COMMD9: variants seen among roughly 807,000 people sequenced by gnomAD.
The protein encoded by COMMD9 is COMM domain-containing protein 9.
Under a neutral mutation model 23.4 loss-of-function variants are expected in COMMD9, and 22 were observed. That is an observed-to-expected ratio of 0.94 (90% CI 0.67 to 1.34). The LOEUF (loss-of-function observed/expected upper bound fraction) is 1.34. COMMD9 is among the 40% of genes most tolerant of loss of function. The pLI, the probability that COMMD9 is intolerant of heterozygous loss-of-function variation, is 0.00. For missense variants in COMMD9, 231 were observed against 240.2 expected (o/e 0.96, Z 0.25); for synonymous variants, 99 against 97.4 (o/e 1.02, Z -0.10).
chr11:36,287,791 G>A (rs900773363), intron 1 of COMMD9, among the ~76,000 whole-genome samples: 1 of 152,028 alleles, frequency 6.6e-6, no homozygotes, highest in Non-Finnish European at 1.5e-5. Context: ...AGCAAACATA[G>A]AGGTTACCAT....
chr11:36,283,453 G>A (rs1361470366), intron 1 of COMMD9, among the ~76,000 whole-genome samples: 1 of 152,120 alleles, frequency 6.6e-6, no homozygotes, highest in Non-Finnish European at 1.5e-5. Flanking sequence ...ATAAAGGGAC[G>A]TAAAGTTTCT....
At chr11:36,286,302 C>G (rs940832778) in intron 1 of COMMD9, among the ~76,000 whole-genome samples, 4 of 149,566 alleles carry the variant, frequency 2.7e-5, no homozygotes, top group Non-Finnish European at 5.9e-5. Flanking sequence ...ATAATCCCAG[C>G]ACTTTGGGAG....
chr11:36,278,450 A>T (rs1161154591), intron 3 of COMMD9, 27 bp downstream of exon 3: 1 of 1,586,374 alleles, frequency 6.3e-7, no homozygotes, highest in African/African-American at 1.3e-5. Context: ...AAAAGTTAGA[A>T]GGGACTTTCA....
In COMMD9 at chr11:36,274,292, G is replaced by T. The variant is rs1475464932; in HGVS notation, c.*340C>A. Reference sequence around the variant, plus strand: ...AACTTACTTATTGGATAGGCTGCATGATTTGGGCCTGAATTTCTCAAACAG... The same window carrying T: ...AACTTACTTATTGGATAGGCTGCATTATTTGGGCCTGAATTTCTCAAACAG... On this transcript the variant is annotated 3_prime_UTR_variant, in exon 6 of 6. Coordinates refer to ENST00000263401, the MANE Select transcript of COMMD9 (RefSeq NM_014186.4). 1.9e-5 allele frequency: 10 copies of T among 532,856 alleles called. No homozygotes were observed. The highest frequency in any genetic ancestry group is 3.6e-5 in the Non-Finnish European group (10 of 277,610). The allele number at this position is 532,856 out of a possible 1,614,324, so 33.0% of individuals were successfully genotyped here.
chr11:36,286,415 AAAGAAAGAAAGAAAG>A (rs1856157187), intron 1 of COMMD9, among the ~76,000 whole-genome samples: 3 of 38,648 alleles, frequency 7.8e-5, no homozygotes, highest in Middle Eastern at 0.019. Flanking sequence ...AAAAAAAAAG[AAAGAAAGAAAGAAAG>A]AAAGAAAAGA....
At chr11:36,283,448 G>A (rs1295041046) in intron 1 of COMMD9, among the ~76,000 whole-genome samples, 2 of 152,146 alleles carry the variant, frequency 1.3e-5, no homozygotes, top group African/African-American at 4.8e-5. Flanking sequence ...GAGGTATAAA[G>A]GGACGTAAAG....
At chr11:36,286,414 G>GAAAA (rs1418105734) in intron 1 of COMMD9, among the ~76,000 whole-genome samples, 1 of 25,034 alleles carries the variant, frequency 4.0e-5, no homozygotes, top group Non-Finnish European at 1.2e-4. Context: ...AAAAAAAAAA[G>GAAAA]AAAGAAAGAA....
intron 1 of COMMD9, among the ~76,000 whole-genome samples, chr11:36,288,686 A>T (rs1245344447): frequency 6.6e-6 from 1 of 152,090 alleles, no homozygotes; most frequent in African/African-American, 2.4e-5. Context: ...CTGTAATCCC[A>T]GCTACTCGGA....
intron 1 of COMMD9, 54 bp from the exon 2 acceptor site, chr11:36,280,891 T>C: frequency 6.7e-7 from 1 of 1,489,918 alleles, no homozygotes; most frequent in South Asian, 1.3e-5. Flanking sequence ...TGAAAACACA[T>C]GTTTTGAGTA....
At chr11:36,287,165 T>C (rs576101230) in intron 1 of COMMD9, among the ~76,000 whole-genome samples, 970 of 2,150 alleles carry the variant, frequency 0.45, 62 homozygotes, top group East Asian at 0.59. Flanking sequence ...ATACTATGTA[T>C]ATCGCGTAGT....
rs769107891 is a variant in COMMD9, at chr11:36,274,712, GC to G, written c.516del (p.Glu172AspfsTer2). The G allele has an allele frequency of 3.7e-6, 6 of 1,614,136 alleles. No individual in the cohort carries two copies. The Admixed American group carries it at 8.3e-5, about 22-fold the overall frequency. ...DKPSISAVTVELSKETLDTML... is the reference protein window; with the variant it reads ...DKPSISAVTVXLSKETLDTML... ...ATGGTGTCCAGTGTTTCTTTGCTCA[GC>G]TCCACGGTGACAGCTGAGATGGAGG... On this transcript the variant is annotated frameshift_variant, in exon 6 of 6. Transcript: ENST00000263401. LOFTEE classifies it high-confidence loss of function.
chr11:36,278,719 GCT>G, intron 2 of COMMD9, 103 bp from the exon 3 acceptor site: 1 of 1,124,570 alleles, frequency 8.9e-7, no homozygotes, highest in Non-Finnish European at 1.2e-6. Flanking sequence ...GCTGCACACT[GCT>G]ATGGTCATTC....
rs187798358 is a variant in COMMD9 at position 36,285,605 on chromosome 11, G to A, written c.51+3757C>T. Among the ~76,000 whole-genome samples, 652 of 151,928 alleles carry A rather than the reference G, an allele frequency of 4.3e-3. 5 individuals carry two copies. Among genetic ancestry groups the A allele is most frequent in the African/African-American group, 0.015 (604 of 41,470 alleles). ...CAATATCCCTCATAAAAATAGATGC[G>A]AAAATTCTTAGAAAATAATGGCAAA... On this transcript the variant is annotated intron_variant, in intron 1 of 5. Coordinates refer to ENST00000263401, the MANE Select transcript of COMMD9 (RefSeq NM_014186.4).
chr11:36,285,384 C>T (rs1285550834), intron 1 of COMMD9, among the ~76,000 whole-genome samples: 1 of 152,038 alleles, frequency 6.6e-6, no homozygotes, highest in Admixed American at 6.5e-5. Flanking sequence ...CTAAAAAAGT[C>T]TCTAGACCCA....
chr11:36,273,347 G>C lies in COMMD9; in HGVS notation c.*1285C>G, dbSNP rs1173599735. ...TGGAGATGATCTGGTGAGTGAAGGG[G>C]GAATCTTCACACATGGAGTCCCTGT... On this transcript the variant is annotated 3_prime_UTR_variant, in exon 6 of 6. Transcript: ENST00000263401. 1 of 152,190 alleles carries C rather than the reference G, an allele frequency of 6.6e-6. No individual in the cohort carries two copies. Among genetic ancestry groups the C allele is most frequent in the Non-Finnish European group, 1.5e-5 (1 of 68,054 alleles). 9.4% of individuals were successfully genotyped at this position (152,190 alleles called of 1,614,324 possible).
At chr11:36,275,184 A>C (rs1465995863) in intron 5 of COMMD9, among the ~76,000 whole-genome samples, 1 of 152,202 alleles carries the variant, frequency 6.6e-6, no homozygotes, top group East Asian at 1.9e-4. Flanking sequence ...TTAAAAAATA[A>C]AGAAGTTAAG....
chr11:36,284,011 C>A (rs1218684207), intron 1 of COMMD9, among the ~76,000 whole-genome samples: 1 of 151,990 alleles, frequency 6.6e-6, no homozygotes, highest in African/African-American at 2.4e-5. Flanking sequence ...GAGGCTGAGG[C>A]GGGAAGATTG....
chr11:36,274,342 A>C lies in COMMD9; in HGVS notation c.*290T>G, dbSNP rs1855932116. 4.8e-6 allele frequency: 3 copies of C among 629,166 alleles called. No homozygotes were observed. Among genetic ancestry groups the C allele is most frequent in the Non-Finnish European group, 8.9e-6 (3 of 338,686 alleles). 39.0% of individuals were successfully genotyped at this position (629,166 alleles called of 1,614,324 possible). A position where few individuals can be genotyped will look rare whatever the true frequency, so the allele number is the denominator to read the frequency against. Reference sequence around the variant, plus strand: ...GCTATGCAGAGGCAGCTGACGATGCAAATGTTCCCTCACCCTGCCATGGTG... The same window carrying C: ...GCTATGCAGAGGCAGCTGACGATGCCAATGTTCCCTCACCCTGCCATGGTG... On this transcript the variant is annotated 3_prime_UTR_variant, in exon 6 of 6. Transcript: ENST00000263401.
chr11:36,284,910 C>G (rs1165627503), intron 1 of COMMD9, among the ~76,000 whole-genome samples: 1 of 152,128 alleles, frequency 6.6e-6, no homozygotes, highest in African/African-American at 2.4e-5. Flanking sequence ...GTATTAAATG[C>G]ATATACTAGA....
Sources: allele counts gnomAD v4.1 joint callset (sites outside exome capture counted in the v4.1 genomes callset), GRCh38; gene constraint gnomAD v4.1.1; transcripts MANE v1.5; gene names NCBI Gene and HGNC (gene_info 2026-07-23, HGNC 2026-07-21).